The following CSMD1 variants were observed in gnomAD, a reference collection of about 807,000 sequenced individuals.
CSMD1 encodes CUB and sushi domain-containing protein 1.
In CSMD1, 213 loss-of-function variants were observed where a neutral mutation model predicts 417.5. That is an observed-to-expected ratio of 0.51 (90% CI 0.46 to 0.57). CSMD1 has a LOEUF of 0.57. Ranked by LOEUF, CSMD1 falls within the 20% of genes least tolerant of loss-of-function variation. The pLI, the probability that CSMD1 is intolerant of heterozygous loss-of-function variation, is 0.00. For synonymous variants in CSMD1, 2,862 were observed against 1,736.8 expected (o/e 1.65, Z -16.11); for missense variants, 6,923 against 4,529.7 (o/e 1.53, Z -15.17).
intron 7 of CSMD1, among the ~76,000 whole-genome samples, chr8:3,644,745 G>A (rs960366722): frequency 1.3e-5 from 2 of 152,066 alleles, no homozygotes; most frequent in Admixed American, 1.3e-4. Context: ...TGCAGTGCCA[G>A]CAGACAGAAT....
At chr8:4,561,170 G>C (rs1473255329) in intron 2 of CSMD1, among the ~76,000 whole-genome samples, 5 of 152,124 alleles carry the variant, frequency 3.3e-5, no homozygotes, top group African/African-American at 4.8e-5. Flanking sequence ...AGGAGATCAA[G>C]ACCATCCTGG....
intron 2 of CSMD1, among the ~76,000 whole-genome samples, chr8:4,546,024 G>T (rs1332073633): frequency 6.6e-6 from 1 of 151,990 alleles, no homozygotes; most frequent in Non-Finnish European, 1.5e-5. Context: ...TGCATCTACA[G>T]AGACTTTTCA....
chr8:4,606,393 G>A (rs1423634461), intron 2 of CSMD1, among the ~76,000 whole-genome samples: 1 of 152,106 alleles, frequency 6.6e-6, no homozygotes, highest in Non-Finnish European at 1.5e-5. Context: ...CCAGAGGTGA[G>A]GCTTCTTGCT....
chr8:4,434,780 A>T (rs537391199), intron 2 of CSMD1, among the ~76,000 whole-genome samples: 1 of 151,920 alleles, frequency 6.6e-6, no homozygotes, highest in South Asian at 2.1e-4. Flanking sequence ...CCCTTTCCAC[A>T]CTCCAGACCC....
At chr8:3,482,217 C>T (rs1292340577) in intron 11 of CSMD1, among the ~76,000 whole-genome samples, 1 of 151,990 alleles carries the variant, frequency 6.6e-6, no homozygotes, top group Admixed American at 6.6e-5. Context: ...TCTAGATATG[C>T]CACTGAAATA....
At chr8:4,010,420 C>G (rs1307576425) in intron 4 of CSMD1, among the ~76,000 whole-genome samples, 1 of 152,164 alleles carries the variant, frequency 6.6e-6, no homozygotes, top group African/African-American at 2.4e-5. Flanking sequence ...AATTCTCGGT[C>G]ATTTCAATGT....
At chr8:3,424,532 G>C (rs1042275966) in intron 12 of CSMD1, among the ~76,000 whole-genome samples, 4 of 152,110 alleles carry the variant, frequency 2.6e-5, no homozygotes, top group Admixed American at 6.5e-5. Flanking sequence ...AAAATTACTT[G>C]GCTATTGTTC....
At chr8:4,511,369 G>C (rs73496676) in intron 2 of CSMD1, among the ~76,000 whole-genome samples, 3 of 152,090 alleles carry the variant, frequency 2.0e-5, no homozygotes, top group Non-Finnish European at 2.9e-5. Flanking sequence ...CTTCTCCTTC[G>C]CAGGAGAATA....
intron 9 of CSMD1, among the ~76,000 whole-genome samples, chr8:3,584,558 T>C (rs917909562): frequency 5.9e-5 from 9 of 152,210 alleles, no homozygotes; most frequent in Admixed American, 2.0e-4. Context: ...ATCTTTGGGA[T>C]AGGATACTGA....
At chr8:4,714,349 G>A (rs1046367032) in intron 1 of CSMD1, among the ~76,000 whole-genome samples, 3 of 151,946 alleles carry the variant, frequency 2.0e-5, no homozygotes, top group Admixed American at 6.6e-5. Context: ...TGGGGTCAGG[G>A]GGTCAAGAAT....
intron 9 of CSMD1, among the ~76,000 whole-genome samples, chr8:3,578,904 C>A (rs1465506801): frequency 6.6e-6 from 1 of 152,234 alleles, no homozygotes; most frequent in African/African-American, 2.4e-5. Context: ...AACAAGATCT[C>A]TCTCCGTAAG....
chr8:4,127,662 A>T (rs548222623), intron 3 of CSMD1, among the ~76,000 whole-genome samples: 1 of 152,166 alleles, frequency 6.6e-6, no homozygotes, highest in East Asian at 1.9e-4. Context: ...CTTTACTTAG[A>T]CTACTTATAA....
chr8:3,498,222 T>A (rs1796447811), intron 10 of CSMD1, among the ~76,000 whole-genome samples: 1 of 152,186 alleles, frequency 6.6e-6, no homozygotes, highest in African/African-American at 2.4e-5. Flanking sequence ...GTCTTGCTGT[T>A]TTTAGACTTC....
At chr8:4,535,462 T>C (rs1052083009) in intron 2 of CSMD1, among the ~76,000 whole-genome samples, 1 of 152,158 alleles carries the variant, frequency 6.6e-6, no homozygotes, top group Middle Eastern at 3.2e-3. Context: ...CATTATAAAC[T>C]TAAAGATTTT....
In CSMD1 at chr8:3,708,394, T is replaced by G. The variant is rs572191545; in HGVS notation, c.1009+20A>C. On this transcript the variant is annotated intron_variant, in intron 7 of 69. Transcript: ENST00000635120. Reference sequence around the variant, plus strand: ...TTACAAGGGCGTATCAATCCTCAGATAGAAAGGAAAGGGACTCACAGACAG... The same window carrying G: ...TTACAAGGGCGTATCAATCCTCAGAGAGAAAGGAAAGGGACTCACAGACAG... The G allele has an allele frequency of 6.2e-7, 1 of 1,608,686 alleles. No individual in the cohort carries two copies. Among genetic ancestry groups the G allele is most frequent in the East Asian group, 2.2e-5 (1 of 44,852 alleles).
intron 1 of CSMD1, among the ~76,000 whole-genome samples, chr8:4,955,992 A>C (rs1010180560): frequency 6.6e-6 from 1 of 152,180 alleles, no homozygotes; most frequent in South Asian, 2.1e-4. Context: ...TCAGTATCTG[A>C]AGGATTCTAG....
In CSMD1 at chr8:3,789,390, GTT is replaced by G. The variant is rs67068655; in HGVS notation, c.819-35350_819-35349del. ...GCTAGTGTTTTTTTTTTTAAGTAGTGTTTTTTTTTTTAAGTAAGTTTTTTTTT... is the reference window on the plus strand; with the variant it reads ...GCTAGTGTTTTTTTTTTTAAGTAGTGTTTTTTTTTAAGTAAGTTTTTTTTT... On this transcript the variant is annotated intron_variant, in intron 5 of 69. Transcript: ENST00000635120. Among the ~76,000 whole-genome samples, 25 of 136,562 alleles carry G rather than the reference GTT, an allele frequency of 1.8e-4. 1 individual carries two copies. Among genetic ancestry groups the G allele is most frequent in the East Asian group, 4.2e-4 (2 of 4,754 alleles). The allele number at this position is 136,562 out of a possible 152,430, so 89.6% of individuals were successfully genotyped here.
chr8:4,427,034 C>A (rs947472618), intron 2 of CSMD1, among the ~76,000 whole-genome samples: 5 of 152,068 alleles, frequency 3.3e-5, no homozygotes, highest in African/African-American at 1.2e-4. Context: ...CCCACGAGAA[C>A]TGGTGTAGAC....
At chr8:4,030,240 T>C (rs1170837845) in intron 4 of CSMD1, among the ~76,000 whole-genome samples, 1 of 152,160 alleles carries the variant, frequency 6.6e-6, no homozygotes, top group Non-Finnish European at 1.5e-5. Flanking sequence ...GGGGGAGCTC[T>C]GACCCCACAT....
Sources: allele counts gnomAD v4.1 joint callset (sites outside exome capture counted in the v4.1 genomes callset), GRCh38; gene constraint gnomAD v4.1.1; transcripts MANE v1.5; gene names NCBI Gene and HGNC (gene_info 2026-07-23, HGNC 2026-07-21).